The following FNDC3B variants were observed in gnomAD, a reference collection of about 807,000 sequenced individuals.
FNDC3B encodes fibronectin type III domain-containing protein 3B.
In FNDC3B, 12 loss-of-function variants were observed where a neutral mutation model predicts 151.5. That is an observed-to-expected ratio of 0.08 (90% CI 0.05 to 0.13). The LOEUF (loss-of-function observed/expected upper bound fraction) is 0.13, where lower values mean the gene tolerates loss of function less well. Ranked by LOEUF, FNDC3B falls within the 10% of genes least tolerant of loss-of-function variation. The pLI is 1.00. For synonymous variants in FNDC3B, 528 were observed against 549.0 expected, an observed-to-expected ratio of 0.96 and a Z score of 0.54; for missense variants, 1,214 against 1,505.3, an observed-to-expected ratio of 0.81 and a Z score of 3.20.
chr3:172,053,034 A>G (rs1716743774), intron 1 of FNDC3B, among the ~76,000 whole-genome samples: 1 of 152,192 alleles, frequency 6.6e-6, no homozygotes, highest in Non-Finnish European at 1.5e-5. Context: ...ATTTTCCAGC[A>G]CTCACTACTT....
At chr3:172,136,072 TAGAA>T (rs1281714068) in intron 3 of FNDC3B, among the ~76,000 whole-genome samples, 1 of 152,216 alleles carries the variant, frequency 6.6e-6, no homozygotes, top group East Asian at 1.9e-4. Flanking sequence ...GTCACAAAGC[TAGAA>T]AGAGGCAGAG....
chr3:172,192,673 CTATAAATGTCTTATTT>C (rs1294097343), intron 3 of FNDC3B, among the ~76,000 whole-genome samples: 14 of 151,960 alleles, frequency 9.2e-5, no homozygotes, highest in Non-Finnish European at 1.6e-4. Flanking sequence ...TGTGTTTATT[CTATAAATGTCTTATTT>C]TATAAATGTT....
At chr3:172,372,602 A>T (rs1161366002) in intron 23 of FNDC3B, among the ~76,000 whole-genome samples, 1 of 152,232 alleles carries the variant, frequency 6.6e-6, no homozygotes, top group African/African-American at 2.4e-5. Context: ...AATGTCTGGC[A>T]TAGGCTGTAA....
At chr3:172,374,092 CG>C (rs2108361009) in intron 23 of FNDC3B, among the ~76,000 whole-genome samples, 1 of 152,310 alleles carries the variant, frequency 6.6e-6, no homozygotes, top group Non-Finnish European at 1.5e-5. Flanking sequence ...TCCAAGGAAG[CG>C]TCTCTGCCTG....
intron 17 of FNDC3B, among the ~76,000 whole-genome samples, chr3:172,342,574 GATTAAT>G (rs1473622868): frequency 6.6e-6 from 1 of 152,200 alleles, no homozygotes; most frequent in Non-Finnish European, 1.5e-5. Flanking sequence ...AGAATCAATT[GATTAAT>G]ATTGAGTTTA....
intron 4 of FNDC3B, 84 bp downstream of exon 4, chr3:172,227,031 T>C: frequency 1.0e-6 from 1 of 964,534 alleles, no homozygotes; most frequent in African/African-American, 1.6e-5. Context: ...CAAAGCCATA[T>C]TCCAGGAGTT....
At chr3:172,174,031 G>C (rs749501501) in intron 3 of FNDC3B, among the ~76,000 whole-genome samples, 8 of 152,162 alleles carry the variant, frequency 5.3e-5, no homozygotes, top group Non-Finnish European at 7.4e-5. Context: ...AGAAAAAGAT[G>C]CCCATTGCGG....
chr3:172,189,300 T>C (rs1213248879), intron 3 of FNDC3B, among the ~76,000 whole-genome samples: 2 of 152,190 alleles, frequency 1.3e-5, no homozygotes, highest in African/African-American at 2.4e-5. Context: ...ATTTCCCACT[T>C]AGAACAAATT....
intron 4 of FNDC3B, among the ~76,000 whole-genome samples, chr3:172,230,580 T>G (rs73027370): frequency 0.066 from 10,086 of 151,726 alleles, 404 homozygotes; most frequent in South Asian, 0.12. Flanking sequence ...ACAAACAATA[T>G]GTTTCAGAAA....
intron 1 of FNDC3B, among the ~76,000 whole-genome samples, chr3:172,068,236 C>A (rs1407567961): frequency 6.6e-6 from 1 of 152,196 alleles, no homozygotes; most frequent in East Asian, 1.9e-4. Context: ...TCCCCAGGGT[C>A]AGAGCTGATG....
At chr3:172,330,289 C>A (rs1399999429) in intron 12 of FNDC3B, 1 of 362,522 alleles carries the variant, frequency 2.8e-6, no homozygotes, top group African/African-American at 2.1e-5. Context: ...AGATGCAGAA[C>A]CCAAGGATAC....
chr3:172,217,118 C>T (rs1726023872), intron 3 of FNDC3B, among the ~76,000 whole-genome samples: 1 of 152,290 alleles, frequency 6.6e-6, no homozygotes, highest in African/African-American at 2.4e-5. Flanking sequence ...TTGTTCTCTT[C>T]AATGTCATTG....
intron 3 of FNDC3B, among the ~76,000 whole-genome samples, chr3:172,147,988 C>T (rs963008751): frequency 6.6e-6 from 1 of 151,960 alleles, no homozygotes; most frequent in African/African-American, 2.4e-5. Context: ...AATTTTTCCT[C>T]CCTTTTCTAC....
intron 1 of FNDC3B, among the ~76,000 whole-genome samples, chr3:172,073,918 TCCCTTC>T (rs1018659331): frequency 2.0e-5 from 3 of 151,950 alleles, no homozygotes; most frequent in African/African-American, 7.3e-5. Flanking sequence ...TCTCCCCTGA[TCCCTTC>T]CCCCACCACA....
intron 3 of FNDC3B, among the ~76,000 whole-genome samples, chr3:172,213,341 G>C (rs980148155): frequency 6.6e-6 from 1 of 152,216 alleles, no homozygotes; most frequent in Non-Finnish European, 1.5e-5. Flanking sequence ...GTGAGCATAC[G>C]CACATGGGAA....
At chr3:172,101,172 G>T (rs183920924) in intron 1 of FNDC3B, among the ~76,000 whole-genome samples, 1 of 152,162 alleles carries the variant, frequency 6.6e-6, no homozygotes, top group East Asian at 1.9e-4. Context: ...AAGGCATGGG[G>T]TATGTTTTGA....
intron 3 of FNDC3B, among the ~76,000 whole-genome samples, chr3:172,222,003 A>G (rs1726300561): frequency 6.6e-6 from 1 of 152,260 alleles, no homozygotes; most frequent in Admixed American, 6.5e-5. Context: ...GGTCACTTTT[A>G]TAGGATAAAT....
chr3:172,335,107 GTTTT>G (rs57479698), intron 15 of FNDC3B, 25 bp downstream of exon 15: 9 of 1,317,652 alleles, frequency 6.8e-6, no homozygotes, highest in South Asian at 5.3e-5. Context: ...TGCTGCTACT[GTTTT>G]TTTTTTTTTT....
chr3:172,044,444 CAGTTCAT>C (rs1273367905), intron 1 of FNDC3B, among the ~76,000 whole-genome samples: 1 of 152,026 alleles, frequency 6.6e-6, no homozygotes, highest in Non-Finnish European at 1.5e-5. Context: ...GGGATAATTG[CAGTTCAT>C]AGTCTTAACT....
Sources: allele counts gnomAD v4.1 joint callset (sites outside exome capture counted in the v4.1 genomes callset), GRCh38; gene constraint gnomAD v4.1.1; transcripts MANE v1.5; gene names NCBI Gene and HGNC (gene_info 2026-07-23, HGNC 2026-07-21).